The following DZIP3 variants were observed in gnomAD, a reference collection of about 807,000 sequenced individuals.
DZIP3 encodes E3 ubiquitin-protein ligase DZIP3.
A neutral mutation model predicts 162.0 loss-of-function variants in DZIP3; 118 were observed. The ratio of observed to expected loss-of-function variants is 0.73; its 90% CI spans 0.63 to 0.85. DZIP3 has a LOEUF of 0.85. Among genes scored for constraint, DZIP3 ranks in the 40% least tolerant of loss-of-function variants. DZIP3 has a pLI of 0.00. For synonymous variants in DZIP3, 438 were observed against 458.6 expected, an observed-to-expected ratio of 0.96 and a Z score of 0.57; for missense variants, 1,331 against 1,407.0, an observed-to-expected ratio of 0.95 and a Z score of 0.86.
chr3:108,601,369 G>A (rs562209528), intron 1 of DZIP3, among the ~76,000 whole-genome samples: 2 of 152,072 alleles, frequency 1.3e-5, no homozygotes, highest in Non-Finnish European at 2.9e-5. Context: ...CCCGTAACAG[G>A]GTTATCCAGG....
At chr3:108,662,627 G>A (rs1447637891) in intron 21 of DZIP3, among the ~76,000 whole-genome samples, 1 of 152,192 alleles carries the variant, frequency 6.6e-6, no homozygotes, top group African/African-American at 2.4e-5. Context: ...TCAGTTGAGT[G>A]TATTTTTATG....
At chr3:108,628,525 T>G (rs1576381781) in intron 7 of DZIP3, among the ~76,000 whole-genome samples, 1 of 152,150 alleles carries the variant, frequency 6.6e-6, no homozygotes, top group Non-Finnish European at 1.5e-5. Flanking sequence ...CTAGAGGAGG[T>G]TCTTTTGATG....
intron 17 of DZIP3, among the ~76,000 whole-genome samples, chr3:108,649,779 A>C (rs3112023): frequency 0.15 from 22,925 of 151,796 alleles, 2,144 homozygotes; most frequent in Non-Finnish European, 0.22. Context: ...CACGAAGTCA[A>C]GATTTAAAAA....
At chr3:108,633,638 C>G (rs531433612) in intron 9 of DZIP3, among the ~76,000 whole-genome samples, 1 of 149,476 alleles carries the variant, frequency 6.7e-6, no homozygotes, top group South Asian at 2.1e-4. Context: ...CAGAGTACTT[C>G]TGATAGATCT....
intron 19 of DZIP3, among the ~76,000 whole-genome samples, chr3:108,660,014 C>G (rs1325822587): frequency 6.6e-6 from 1 of 152,180 alleles, no homozygotes; most frequent in Non-Finnish European, 1.5e-5. Context: ...GAAGAACATT[C>G]CATGCTCATG....
At chr3:108,662,333 A>T in intron 21 of DZIP3, 76 bp downstream of exon 21, 1 of 1,476,442 alleles carries the variant, frequency 6.8e-7, no homozygotes, top group Non-Finnish European at 9.0e-7. Flanking sequence ...TCTCTGCATA[A>T]CCACTAGGTG....
chr3:108,689,690 A>C (rs1944622546), intron 31 of DZIP3, among the ~76,000 whole-genome samples: 1 of 152,156 alleles, frequency 6.6e-6, no homozygotes, highest in Admixed American at 6.5e-5. Flanking sequence ...CCATCTCAAA[A>C]AAAGAAAAAG....
intron 23 of DZIP3, among the ~76,000 whole-genome samples, chr3:108,673,276 C>T (rs1369014980): frequency 1.3e-5 from 2 of 151,902 alleles, no homozygotes; most frequent in Non-Finnish European, 2.9e-5. Flanking sequence ...TGTTCTCTAG[C>T]AGAGTACTTG....
chr3:108,670,157 A>G lies in DZIP3; in HGVS notation c.2492+408A>G, dbSNP rs745856589. 9.1e-4 allele frequency among the ~76,000 whole-genome samples: 138 copies of G among 152,092 alleles called. 1 individual carries two copies. The highest frequency in any genetic ancestry group is 3.4e-3 in the Middle Eastern group (1 of 294). ...ATAACACCTTTTTGAAATCCATTTC[A>G]TACAGCATAAAATTATCTCTGTTAA... On this transcript the variant is annotated intron_variant, in intron 22 of 32. Coordinates refer to ENST00000361582, the MANE Select transcript of DZIP3 (RefSeq NM_014648.4).
chr3:108,671,743 CATTT>C (rs139269031), intron 22 of DZIP3, among the ~76,000 whole-genome samples: 30,727 of 151,714 alleles, frequency 0.2, 3,656 homozygotes, highest in East Asian at 0.44. Context: ...TACTAGCTAA[CATTT>C]ATTTATTAGT....
chr3:108,677,832 A>G (rs371779666), intron 26 of DZIP3, among the ~76,000 whole-genome samples: 14 of 152,116 alleles, frequency 9.2e-5, no homozygotes, highest in African/African-American at 2.9e-4. Flanking sequence ...TTTGATATAC[A>G]TAGAGTAATA....
upstream of DZIP3, chr3:108,589,626 C>T (rs1470854381): frequency 1.7e-5 from 6 of 360,772 alleles, no homozygotes; most frequent in Non-Finnish European, 3.1e-5. Context: ...CCACCCTCGT[C>T]TGAGAGGCCG....
intron 12 of DZIP3, 45 bp from the exon 13 acceptor site, chr3:108,642,393 G>T: frequency 6.9e-7 from 1 of 1,440,578 alleles, no homozygotes; most frequent in Non-Finnish European, 9.3e-7. Flanking sequence ...ACTGACTTTG[G>T]TATTATTTTA....
At chr3:108,679,747 A>G (rs1944237367) in intron 26 of DZIP3, among the ~76,000 whole-genome samples, 1 of 152,160 alleles carries the variant, frequency 6.6e-6, no homozygotes, top group Admixed American at 6.6e-5. Context: ...ATTTCCCATC[A>G]GTGAATTAGG....
At chr3:108,646,141 C>G (rs1381345133) in intron 14 of DZIP3, among the ~76,000 whole-genome samples, 1 of 151,528 alleles carries the variant, frequency 6.6e-6, no homozygotes, top group Non-Finnish European at 1.5e-5. Flanking sequence ...TGAAGATTGT[C>G]TTTTTTTTTC....
At chr3:108,691,950 A>AT (rs1176316172) in intron 32 of DZIP3, among the ~76,000 whole-genome samples, 6 of 152,066 alleles carry the variant, frequency 3.9e-5, no homozygotes, top group Non-Finnish European at 8.8e-5. Context: ...AGTTAGGTAT[A>AT]TAAGCCCCAA....
chr3:108,608,529 T>C (rs542744669), intron 3 of DZIP3, among the ~76,000 whole-genome samples: 1 of 152,260 alleles, frequency 6.6e-6, no homozygotes, highest in Non-Finnish European at 1.5e-5. Flanking sequence ...ACATACAGAA[T>C]TTTATTTACT....
intron 19 of DZIP3, among the ~76,000 whole-genome samples, chr3:108,655,818 G>A (rs116243252): frequency 0.013 from 1,961 of 152,272 alleles, 51 homozygotes; most frequent in African/African-American, 0.044. Flanking sequence ...CTTTTCTGAC[G>A]GTCTCAGCAA....
In DZIP3 at chr3:108,651,136, G is replaced by T; in HGVS notation, c.2008-1G>T. 2 of 739,800 alleles carry T rather than the reference G, an allele frequency of 2.7e-6. No homozygotes were observed. The highest frequency in any genetic ancestry group is 4.0e-5 in the South Asian group (2 of 50,272). 45.8% of individuals were successfully genotyped at this position (739,800 alleles called of 1,614,324 possible). Reference sequence around the variant, plus strand: ...TTACTAATTCTTATGTTATTTTTCAGAATAAAGACTCAAAAGAAGACCAAG... The same window carrying T: ...TTACTAATTCTTATGTTATTTTTCATAATAAAGACTCAAAAGAAGACCAAG... On this transcript the variant is annotated splice_acceptor_variant, in intron 17 of 32. Transcript: ENST00000361582. LOFTEE classifies it high-confidence loss of function.
Sources: gnomAD v4.1 joint callset for allele counts (sites outside exome capture counted in the v4.1 genomes callset) on GRCh38, gnomAD v4.1.1 for gene constraint, MANE v1.5 for transcripts, NCBI Gene and HGNC (gene_info 2026-07-23, HGNC 2026-07-21) for gene names.